The following PRKG1 variants were observed in gnomAD, a reference collection of about 807,000 sequenced individuals.
The protein encoded by PRKG1 is cGMP-dependent protein kinase 1.
Under a neutral mutation model 88.1 loss-of-function variants are expected in PRKG1, and 35 were observed. The observed-to-expected ratio is 0.40, with a 90% CI of 0.30 to 0.53. The LOEUF (loss-of-function observed/expected upper bound fraction) is 0.53. Ranked by LOEUF, PRKG1 falls within the 20% of genes least tolerant of loss-of-function variation. PRKG1 has a pLI of 0.59. For synonymous variants in PRKG1, 303 were observed against 292.5 expected (o/e 1.04, Z -0.37); for missense variants, 540 against 839.8 (o/e 0.64, Z 4.41).
chr10:51,445,582 C>G (rs531996707), intron 2 of PRKG1, among the ~76,000 whole-genome samples: 3 of 151,840 alleles, frequency 2.0e-5, no homozygotes, highest in African/African-American at 7.3e-5. Flanking sequence ...ACAAGGGACA[C>G]CTCATCAAGT....
chr10:52,189,528 T>A (rs1839310290), intron 9 of PRKG1, among the ~76,000 whole-genome samples: 1 of 152,184 alleles, frequency 6.6e-6, no homozygotes, highest in South Asian at 2.1e-4. Flanking sequence ...AAGCAAACCC[T>A]ATTGTGAAAT....
At chr10:51,917,817 C>A (rs536604581) in intron 5 of PRKG1, among the ~76,000 whole-genome samples, 1 of 152,228 alleles carries the variant, frequency 6.6e-6, no homozygotes, top group East Asian at 1.9e-4. Context: ...ATTTCTCTCC[C>A]TATAGAGAGG....
At chr10:51,965,649 G>A (rs1226582221) in intron 5 of PRKG1, among the ~76,000 whole-genome samples, 3 of 152,146 alleles carry the variant, frequency 2.0e-5, no homozygotes, top group African/African-American at 7.2e-5. Context: ...TTCAGAAATA[G>A]TTGCTGACAA....
chr10:51,731,548 T>C (rs1167523839), intron 3 of PRKG1, among the ~76,000 whole-genome samples: 1 of 152,188 alleles, frequency 6.6e-6, no homozygotes, highest in Non-Finnish European at 1.5e-5. Flanking sequence ...TATTCGGGAC[T>C]TCCAGTATTT....
At chr10:52,223,464 G>A (rs1589712384) in intron 9 of PRKG1, among the ~76,000 whole-genome samples, 1 of 152,056 alleles carries the variant, frequency 6.6e-6, no homozygotes, top group South Asian at 2.1e-4. Flanking sequence ...CTGCTACTTT[G>A]GTTGGTTGGT....
chr10:52,064,700 C>T (rs1846316222), intron 7 of PRKG1, among the ~76,000 whole-genome samples: 1 of 152,162 alleles, frequency 6.6e-6, no homozygotes, highest in Non-Finnish European at 1.5e-5. Context: ...ACAGTCGTGG[C>T]TTAGGCAGCT....
rs11000724 is a variant in PRKG1, at chr10:52,084,091, C to T, written c.935+21460C>T. On this transcript the variant is annotated intron_variant, in intron 7 of 17. Coordinates refer to ENST00000373980, the MANE Select transcript of PRKG1 (RefSeq NM_006258.4). ...TGGGGAATTTCTACAAGGGAAATAG[C>T]GGATTTTAATATTTGCTCATAAGAT... Among the ~76,000 whole-genome samples the T allele has an allele frequency of 1.1e-3, 169 of 152,040 alleles. 3 individuals carry two copies. The East Asian group carries it at 0.029, about 26-fold the overall frequency.
chr10:51,336,655 C>T (rs1251152081), intron 2 of PRKG1, among the ~76,000 whole-genome samples: 3 of 152,254 alleles, frequency 2.0e-5, no homozygotes, highest in East Asian at 1.9e-4. Flanking sequence ...ATAGAGATGG[C>T]ATTACTTCCA....
chr10:51,821,852 T>C (rs1408163397), intron 4 of PRKG1, among the ~76,000 whole-genome samples: 1 of 152,102 alleles, frequency 6.6e-6, no homozygotes, highest in Non-Finnish European at 1.5e-5. Context: ...GCACTGTTGA[T>C]GGGAATGTAA....
intron 3 of PRKG1, among the ~76,000 whole-genome samples, chr10:51,652,881 A>G (rs974752467): frequency 6.6e-6 from 1 of 152,140 alleles, no homozygotes; most frequent in African/African-American, 2.4e-5. Context: ...CTCTTCTCCT[A>G]CTACTCCTCT....
intron 2 of PRKG1, among the ~76,000 whole-genome samples, chr10:51,190,648 T>C (rs1837608272): frequency 6.6e-6 from 1 of 151,842 alleles, no homozygotes. Flanking sequence ...TCTCTTTCCT[T>C]TGTTCTTCTG....
intron 3 of PRKG1, among the ~76,000 whole-genome samples, chr10:51,674,072 A>G (rs1280025511): frequency 6.6e-6 from 1 of 152,188 alleles, no homozygotes; most frequent in African/African-American, 2.4e-5. Context: ...GTCTCTTTCT[A>G]CTTAGTTCAA....
intron 3 of PRKG1, among the ~76,000 whole-genome samples, chr10:51,670,380 A>G (rs1589179517): frequency 1.3e-5 from 2 of 151,570 alleles, no homozygotes; most frequent in African/African-American, 4.8e-5. Context: ...TTTATTATTT[A>G]TATTTCATTA....
intron 1 of PRKG1, among the ~76,000 whole-genome samples, chr10:51,102,143 T>C (rs1331293576): frequency 1.3e-5 from 2 of 152,194 alleles, no homozygotes. Flanking sequence ...AAATACAATA[T>C]GCAAGTGACC....
chr10:51,686,043 A>G lies in PRKG1; in HGVS notation c.593-118542A>G, dbSNP rs1199629388. On this transcript the variant is annotated intron_variant, in intron 3 of 17. Coordinates refer to ENST00000373980, the MANE Select transcript of PRKG1 (RefSeq NM_006258.4). ...CCTTCCTTCTATGTAATCCTGGGTA[A>G]ATGAAAGAATGGGCAAGAGATGCAG... is the stretch of plus-strand genomic sequence containing the variant. Among the ~76,000 whole-genome samples the G allele has an allele frequency of 1.8e-4, 27 of 152,050 alleles. 1 individual carries two copies. Among genetic ancestry groups the G allele is most frequent in the Admixed American group, 1.8e-3 (27 of 15,244 alleles).
At chr10:51,071,155 G>A (rs1393305103), upstream of PRKG1, among the ~76,000 whole-genome samples, 1 of 152,146 alleles carries the variant, frequency 6.6e-6, no homozygotes, top group African/African-American at 2.4e-5. Flanking sequence ...CGTAATTGCA[G>A]GACTTTGATT....
chr10:51,137,515 G>A (rs943344411), intron 1 of PRKG1, among the ~76,000 whole-genome samples: 6 of 152,158 alleles, frequency 3.9e-5, no homozygotes, highest in African/African-American at 1.2e-4. Flanking sequence ...AATCTTAGGG[G>A]TGGTGAGAAG....
intron 2 of PRKG1, among the ~76,000 whole-genome samples, chr10:51,368,847 T>C (rs577352029): frequency 6.6e-6 from 1 of 152,156 alleles, no homozygotes; most frequent in Non-Finnish European, 1.5e-5. Context: ...TCCTCAGTGA[T>C]TTATTCAAAT....
intron 1 of PRKG1, among the ~76,000 whole-genome samples, chr10:51,113,944 C>CGT (rs35562284): frequency 0.16 from 22,854 of 138,896 alleles, 2,333 homozygotes; most frequent in African/African-American, 0.31. Context: ...AGCCTGTAAA[C>CGT]GTGTGTGTGT....
Sources: allele counts gnomAD v4.1 joint callset (sites outside exome capture counted in the v4.1 genomes callset), GRCh38; gene constraint gnomAD v4.1.1; transcripts MANE v1.5; gene names NCBI Gene and HGNC (gene_info 2026-07-23, HGNC 2026-07-21).